The following RBMS3 variants were observed in gnomAD, a reference collection of about 807,000 sequenced individuals.
RBMS3 encodes RNA binding motif single stranded interacting protein 3.
A neutral mutation model predicts 66.8 loss-of-function variants in RBMS3; 27 were observed. The observed-to-expected ratio is 0.40, with a 90% confidence interval of 0.30 to 0.56. The LOEUF (loss-of-function observed/expected upper bound fraction) is 0.56. RBMS3 is among the 20% of genes least tolerant of loss of function. RBMS3 has a pLI of 0.40. For missense variants in RBMS3, 513 were observed against 549.5 expected, an observed-to-expected ratio of 0.93 and a Z score of 0.66; for synonymous variants, 188 against 183.0, an observed-to-expected ratio of 1.03 and a Z score of -0.22.
chr3:29,284,862 CTTTT>C (rs773078453), intron 1 of RBMS3, among the ~76,000 whole-genome samples: 16 of 112,778 alleles, frequency 1.4e-4, no homozygotes, highest in South Asian at 6.4e-4. Flanking sequence ...ATGAATTTTT[CTTTT>C]TTTTTTTTTT....
chr3:29,843,023 T>C (rs570260724), intron 6 of RBMS3, among the ~76,000 whole-genome samples: 4 of 152,342 alleles, frequency 2.6e-5, no homozygotes, highest in South Asian at 2.1e-4. Flanking sequence ...CATAGGAAAC[T>C]AATATACTTC....
intron 3 of RBMS3, among the ~76,000 whole-genome samples, chr3:29,525,854 C>G (rs998240563): frequency 3.9e-5 from 6 of 152,082 alleles, no homozygotes; most frequent in African/African-American, 1.4e-4. Flanking sequence ...TCTTTGAGGG[C>G]ATTTTAGTAT....
At chr3:29,576,193 T>G (rs1034186996) in intron 3 of RBMS3, among the ~76,000 whole-genome samples, 1 of 152,144 alleles carries the variant, frequency 6.6e-6, no homozygotes, top group African/African-American at 2.4e-5. Flanking sequence ...CTCAGCCCAA[T>G]ATTTCTGTGG....
chr3:29,993,554 A>T (rs1014229036), intron 14 of RBMS3, among the ~76,000 whole-genome samples: 4 of 152,202 alleles, frequency 2.6e-5, no homozygotes, highest in Non-Finnish European at 5.9e-5. Flanking sequence ...TCCACCCCCC[A>T]CTGTGGGAGG....
chr3:29,768,024 G>A (rs116178482), intron 6 of RBMS3, among the ~76,000 whole-genome samples: 7,407 of 151,952 alleles, frequency 0.049, 220 homozygotes, highest in Middle Eastern at 0.092. Context: ...CTCTCCAAAT[G>A]TTTTATCTTT....
chr3:29,884,422 T>TTC (rs571002730), intron 8 of RBMS3, among the ~76,000 whole-genome samples: 1,189 of 41,828 alleles, frequency 0.028, 85 homozygotes, highest in East Asian at 0.059. Context: ...TTAAACCCTG[T>TTC]TCTCTCTCTC....
chr3:29,929,818 T>C (rs2061060047), intron 10 of RBMS3, among the ~76,000 whole-genome samples: 2 of 152,092 alleles, frequency 1.3e-5, no homozygotes, highest in Admixed American at 1.3e-4. Context: ...TATCTCCATA[T>C]AGTAGTCCAA....
intron 5 of RBMS3, 181 bp downstream of exon 5, chr3:29,740,058 AT>A: frequency 2.1e-6 from 1 of 467,484 alleles, no homozygotes; most frequent in Non-Finnish European, 3.6e-6. Context: ...TTTCAATGTA[AT>A]TATAAATAAA....
chr3:29,592,114 A>T (rs1206229238), intron 4 of RBMS3, among the ~76,000 whole-genome samples: 1 of 151,864 alleles, frequency 6.6e-6, no homozygotes, highest in Non-Finnish European at 1.5e-5. Flanking sequence ...AAACCAGTGG[A>T]TTTTTTACTT....
intron 3 of RBMS3, among the ~76,000 whole-genome samples, chr3:29,532,987 G>A (rs1164677385): frequency 6.6e-6 from 1 of 151,542 alleles, no homozygotes; most frequent in Non-Finnish European, 1.5e-5. Flanking sequence ...TTTTTTTTAG[G>A]TACTGCCTTA....
intron 6 of RBMS3, among the ~76,000 whole-genome samples, chr3:29,852,833 T>G (rs2058969743): frequency 6.6e-6 from 1 of 152,198 alleles, no homozygotes; most frequent in Non-Finnish European, 1.5e-5. Context: ...GAGTATAAAT[T>G]GTTCTATTAT....
intron 4 of RBMS3, among the ~76,000 whole-genome samples, chr3:29,735,978 G>T (rs2054362264): frequency 6.6e-6 from 1 of 152,070 alleles, no homozygotes; most frequent in African/African-American, 2.4e-5. Context: ...TTTGATTGCA[G>T]TTATCTTGTG....
chr3:29,875,522 T>C (rs2059592600), intron 7 of RBMS3, among the ~76,000 whole-genome samples: 1 of 151,990 alleles, frequency 6.6e-6, no homozygotes, highest in Non-Finnish European at 1.5e-5. Flanking sequence ...TGCTATCAAT[T>C]ATCATTTAAA....
intron 4 of RBMS3, among the ~76,000 whole-genome samples, chr3:29,628,137 A>G (rs1050403684): frequency 1.3e-5 from 2 of 152,150 alleles, no homozygotes; most frequent in Non-Finnish European, 2.9e-5. Context: ...GGAGTGATAC[A>G]TCTGTTATGA....
chr3:29,297,964 T>G (rs1475309545), intron 1 of RBMS3, among the ~76,000 whole-genome samples: 1 of 151,900 alleles, frequency 6.6e-6, no homozygotes, highest in Non-Finnish European at 1.5e-5. Flanking sequence ...TGTTTTAGTT[T>G]TTTTCAGCTT....
intron 3 of RBMS3, among the ~76,000 whole-genome samples, chr3:29,496,237 A>G (rs1290664952): frequency 6.6e-6 from 1 of 151,504 alleles, no homozygotes; most frequent in Non-Finnish European, 1.5e-5. Flanking sequence ...GACAAAAAAA[A>G]GTTATATTTT....
rs1491266863 is a variant in RBMS3 at position 29,532,246 on chromosome 3, G to GTGTATATATA, written c.307+43748_307+43749insGTATATATAT. 3.7e-4 allele frequency among the ~76,000 whole-genome samples: 33 copies of GTGTATATATA among 88,978 alleles called. No homozygotes were observed. In the East Asian group the frequency reaches 9.9e-3, roughly 27 times the overall value. 58.4% of individuals were successfully genotyped at this position (88,978 alleles called of 152,430 possible). On this transcript the variant is annotated intron_variant, in intron 3 of 14. Transcript: ENST00000383767. ...TCTTATTTTAATTTCGCATATATAT[G>GTGTATATATA]TATATATATATATATGTATATATAT... is the stretch of plus-strand genomic sequence containing the variant.
chr3:29,815,959 AAAG>A (rs144257288), intron 6 of RBMS3, among the ~76,000 whole-genome samples: 6,742 of 152,136 alleles, frequency 0.044, 231 homozygotes, highest in Admixed American at 0.084. Context: ...AGGAAAAAAA[AAAG>A]AAGAGAGGGT....
intron 3 of RBMS3, chr3:29,526,183 G>T (rs2045088334): frequency 6.6e-6 from 1 of 151,554 alleles, no homozygotes; most frequent in Admixed American, 6.6e-5. Context: ...ATGTAGATCT[G>T]AATTTTAATA....
Sources: gnomAD v4.1 joint callset for allele counts (sites outside exome capture counted in the v4.1 genomes callset) on GRCh38, gnomAD v4.1.1 for gene constraint, MANE v1.5 for transcripts, NCBI Gene and HGNC (gene_info 2026-07-23, HGNC 2026-07-21) for gene names.